The following BBS2 variants were observed in gnomAD, a reference collection of about 807,000 sequenced individuals.
The protein encoded by BBS2 is BBSome complex member BBS2.
Under a neutral mutation model 83.0 loss-of-function variants are expected in BBS2, and 62 were observed. The ratio of observed to expected loss-of-function variants is 0.75; its 90% CI spans 0.61 to 0.92. The LOEUF is 0.92. BBS2 is among the 40% of genes least tolerant of loss of function. The pLI is 0.00. For missense variants in BBS2, 784 were observed against 901.0 expected, an observed-to-expected ratio of 0.87 and a Z score of 1.66; for synonymous variants, 303 against 326.1, an observed-to-expected ratio of 0.93 and a Z score of 0.76.
intron 2 of BBS2, among the ~76,000 whole-genome samples, chr16:56,513,561 A>C (rs989173485): frequency 1.3e-5 from 2 of 152,240 alleles, no homozygotes; most frequent in Non-Finnish European, 2.9e-5. Flanking sequence ...AACCTTGAAA[A>C]TATCATGCTA....
intron 15 of BBS2, among the ~76,000 whole-genome samples, chr16:56,491,165 C>T (rs1963940973): frequency 6.6e-6 from 1 of 152,070 alleles, no homozygotes; most frequent in Non-Finnish European, 1.5e-5. Flanking sequence ...ATTAATATAC[C>T]CACTATGGTT....
At chr16:56,510,483 C>A (rs1383675081) in intron 4 of BBS2, among the ~76,000 whole-genome samples, 1 of 152,166 alleles carries the variant, frequency 6.6e-6, no homozygotes, top group Non-Finnish European at 1.5e-5. Flanking sequence ...AGGCTAAAAG[C>A]CAATCTCTAA....
At position 56,506,136 on chromosome 16, in the gene BBS2, C is replaced by T. The variant is rs138433630; in HGVS notation, c.701G>A (p.Arg234Gln). The T allele has an allele frequency of 1.1e-5, 17 of 1,613,566 alleles. No homozygotes were observed. The highest frequency in any genetic ancestry group is 3.3e-5 in the Admixed American group (2 of 59,986). Reference protein sequence around the residue: ...GTVGVYDKTSRYWRIKSKNHA... With the variant: ...GTVGVYDKTSQYWRIKSKNHA... ...TATACTAACTTTAATTCTCCAGTAT[C>T]GGGATGTTTTGTCATAAACTCCAAC... is the stretch of plus-strand genomic sequence containing the variant. Residue 234 changes from arginine (R) to glutamine (Q), a missense_variant, in exon 6 of 17, where the codon CGA becomes CAA. Physicochemically the swap from Arg to Gln is conservative, Grantham distance 43. Coordinates refer to ENST00000245157, the MANE Select transcript of BBS2 (RefSeq NM_031885.5).
chr16:56,505,941 C>T lies in BBS2; in HGVS notation c.804+9G>A. 1 of 1,610,016 alleles carries T rather than the reference C, an allele frequency of 6.2e-7. No homozygotes were observed. The highest frequency in any genetic ancestry group is 8.5e-7 in the Non-Finnish European group (1 of 1,176,860). On this transcript the variant is annotated intron_variant, in intron 7 of 16. Coordinates refer to ENST00000245157, the MANE Select transcript of BBS2 (RefSeq NM_031885.5). ...TGAATTATACCTGAACTTTGCTATT[C>T]AAACTTACCTTCCCATTGGACCAAC... is the stretch of plus-strand genomic sequence containing the variant.
chr16:56,514,718 T>TA, intron 1 of BBS2, 38 bp from the exon 2 acceptor site: 2 of 1,464,336 alleles, frequency 1.4e-6, no homozygotes, highest in Non-Finnish European at 1.9e-6. Flanking sequence ...CCTTAAAATA[T>TA]AAAAAATTAG....
At chr16:56,496,468 ATAGTT>A (rs1964119392) in intron 15 of BBS2, among the ~76,000 whole-genome samples, 1 of 152,162 alleles carries the variant, frequency 6.6e-6, no homozygotes, top group Admixed American at 6.5e-5. Flanking sequence ...TTCCCAAACT[ATAGTT>A]TACTCTTTTC....
chr16:56,488,903 C>T (rs542215590), intron 15 of BBS2, among the ~76,000 whole-genome samples: 14 of 152,178 alleles, frequency 9.2e-5, no homozygotes, highest in African/African-American at 3.4e-4. Flanking sequence ...TGTCAGGAAA[C>T]AGGGTTGAAG....
chr16:56,492,198 C>T (rs1188397643), intron 15 of BBS2, among the ~76,000 whole-genome samples: 5 of 152,054 alleles, frequency 3.3e-5, no homozygotes, highest in Non-Finnish European at 7.4e-5. Flanking sequence ...ACCCTGAAGA[C>T]CTATTAGCAC....
At chr16:56,509,752 A>C in intron 5 of BBS2, 7 of 520,594 alleles carry the variant, frequency 1.3e-5, no homozygotes, top group East Asian at 3.5e-5. Context: ...TTCTCTATTT[A>C]ATCAGTCTTT....
chr16:56,493,930 T>C (rs78650611), intron 15 of BBS2, among the ~76,000 whole-genome samples: 2,878 of 152,118 alleles, frequency 0.019, 90 homozygotes, highest in African/African-American at 0.065. Context: ...ATGAAGCAAA[T>C]AGTTATGTTG....
intron 14 of BBS2, chr16:56,497,539 T>C: frequency 1.6e-6 from 1 of 640,152 alleles, no homozygotes; most frequent in Non-Finnish European, 2.7e-6. Context: ...AAAGCAAGCA[T>C]GGTGCTCAGG....
downstream of BBS2, among the ~76,000 whole-genome samples, chr16:56,482,022 A>G (rs1261505684): frequency 6.6e-6 from 1 of 152,188 alleles, no homozygotes; most frequent in Non-Finnish European, 1.5e-5. Flanking sequence ...GAACAACTTA[A>G]TATGTCTTGC....
chr16:56,503,231 G>A (rs1194045859), intron 7 of BBS2, among the ~76,000 whole-genome samples: 2 of 152,124 alleles, frequency 1.3e-5, no homozygotes, highest in East Asian at 3.8e-4. Context: ...TTCATCTGGG[G>A]TTCAATAACC....
rs966513464 is a variant in BBS2 at position 56,497,331 on chromosome 16, A to G, written c.1798-252T>C. 13 of 548,760 alleles carry G rather than the reference A, an allele frequency of 2.4e-5. No individual in the cohort carries two copies. The African/African-American group carries it at 2.5e-4, about 10-fold the overall frequency. 34.0% of individuals were successfully genotyped at this position (548,760 alleles called of 1,614,324 possible). A position where few individuals can be genotyped will look rare whatever the true frequency, so the allele number is the denominator to read the frequency against. On this transcript the variant is annotated intron_variant, in intron 14 of 16. Coordinates refer to ENST00000245157, the MANE Select transcript of BBS2 (RefSeq NM_031885.5). ...CACCAGGAGCCCCCACAACACACAT[A>G]TTAATATTTTAGGGATTTGCAGTGG...
At position 56,497,849 on chromosome 16, in the gene BBS2, G is replaced by T; in HGVS notation, c.1691C>A (p.Ala564Asp). 1 of 1,611,848 alleles carries T rather than the reference G, an allele frequency of 6.2e-7. No homozygotes were observed. ...TGCCATTGACTGGATGATATCACCA[G>T]CCAAATCAATATCATCAGTATTTAT... ...ITINTDDIDL[A>D]GDIIQSMASF... Residue 564 changes from alanine (A) to aspartate (D), a missense_variant, in exon 14 of 17, where the codon GCT (alanine) becomes GAT (aspartate). Ala to Asp is a moderately radical substitution (Grantham distance 126). Transcript: ENST00000245157.
intron 17 of BBS2, among the ~76,000 whole-genome samples, chr16:56,475,121 G>A (rs572666957): frequency 6.6e-6 from 1 of 152,246 alleles, no homozygotes; most frequent in South Asian, 2.1e-4. Context: ...CAGTCTCCCA[G>A]CTCAAAATAG....
chr16:56,502,107 G>A lies in BBS2; in HGVS notation c.1080+210C>T, dbSNP rs1198619421. On this transcript the variant is annotated intron_variant, in intron 9 of 16. Transcript: ENST00000245157. ...ATAAATAAATAGTGCTGCAGGAAAT[G>A]TCCTTAAACAATCAGGAAAACATTT... is the stretch of plus-strand genomic sequence containing the variant. 4.3e-6 allele frequency: 3 copies of A among 695,800 alleles called. No homozygotes were observed. In the Admixed American group the frequency reaches 6.6e-5, roughly 15 times the overall value. The allele number at this position is 695,800 out of a possible 1,614,324, so 43.1% of individuals were successfully genotyped here. A position where few individuals can be genotyped will look rare whatever the true frequency, so the allele number is the denominator to read the frequency against.
chr16:56,478,821 C>T (rs1218336194), intron 17 of BBS2: 3 of 152,192 alleles, frequency 2.0e-5, no homozygotes, highest in African/African-American at 7.2e-5. Context: ...GGGAGAGAAT[C>T]CCTAGGAGCC....
At chr16:56,472,298 G>A (rs1014525554) in intron 17 of BBS2, among the ~76,000 whole-genome samples, 15 of 152,010 alleles carry the variant, frequency 9.9e-5, no homozygotes, top group African/African-American at 3.6e-4. Context: ...TTCCTTTTTT[G>A]GTTTCATTTT....
Sources: gnomAD v4.1 joint callset for allele counts (sites outside exome capture counted in the v4.1 genomes callset) on GRCh38, gnomAD v4.1.1 for gene constraint, MANE v1.5 for transcripts, NCBI Gene and HGNC (gene_info 2026-07-23, HGNC 2026-07-21) for gene names.